AS3MT: variants seen among roughly 807,000 people sequenced by gnomAD.
AS3MT encodes S-adenosyl-L-methionine:arsenic(III) methyltransferase.
Under a neutral mutation model 45.3 loss-of-function variants are expected in AS3MT, and 47 were observed. That is an observed-to-expected ratio of 1.04 (90% CI 0.82 to 1.32). The LOEUF (loss-of-function observed/expected upper bound fraction) is 1.32. AS3MT is among the 40% of genes most tolerant of loss of function. The pLI, the probability that AS3MT is intolerant of heterozygous loss-of-function variation, is 0.00. For missense variants in AS3MT, 396 were observed against 451.1 expected (o/e 0.88, Z 1.11); for synonymous variants, 141 against 152.8 (o/e 0.92, Z 0.57).
At chr10:102,888,881 A>ATATATTTTTTTT (rs1491503446) in intron 9 of AS3MT, among the ~76,000 whole-genome samples, 2 of 52,520 alleles carry the variant, frequency 3.8e-5, no homozygotes, top group Admixed American at 2.9e-4. Flanking sequence ...ATATATATAT[A>ATATATTTTTTTT]TTTTTTTTTT....
At chr10:102,874,409 T>G (rs1394678373) in intron 5 of AS3MT, among the ~76,000 whole-genome samples, 183 bp from the exon 6 acceptor site, 3 of 152,240 alleles carry the variant, frequency 2.0e-5, no homozygotes, top group Non-Finnish European at 4.4e-5. Flanking sequence ...TATTGAGATT[T>G]TAAGCACTCT....
chr10:102,874,719 G>A, intron 6 of AS3MT, 58 bp downstream of exon 6: 1 of 1,249,312 alleles, frequency 8.0e-7, no homozygotes, highest in Non-Finnish European at 1.2e-6. Context: ...GATGGGTTAA[G>A]TCTTGTTTGT....
chr10:102,900,033 G>A (rs2134136800), intron 10 of AS3MT, among the ~76,000 whole-genome samples: 1 of 152,182 alleles, frequency 6.6e-6, no homozygotes, highest in East Asian at 1.9e-4. Context: ...TATTGTTAGA[G>A]GTATCTCATT....
intron 5 of AS3MT, among the ~76,000 whole-genome samples, chr10:102,873,633 T>C (rs189671415): frequency 6.3e-4 from 96 of 152,226 alleles, no homozygotes; most frequent in African/African-American, 2.2e-3. Flanking sequence ...GTTTGCTGAA[T>C]TGACTCTCAT....
rs1393798573 is a variant in AS3MT at position 102,881,293 on chromosome 10, G to A, written c.885+2302G>A. Among the ~76,000 whole-genome samples the A allele has an allele frequency of 6.6e-6, 1 of 152,204 alleles. No homozygotes were observed. The highest frequency in any genetic ancestry group is 1.5e-5 in the Non-Finnish European group (1 of 68,034). Reference sequence around the variant, plus strand: ...ATAGAACACTACTTAATGGAAACTAGTGGAAATGGCTGCTAAAGGAAAAGT... The same window carrying A: ...ATAGAACACTACTTAATGGAAACTAATGGAAATGGCTGCTAAAGGAAAAGT... On this transcript the variant is annotated intron_variant, in intron 9 of 10. Transcript: ENST00000369880. This position sits in a 1 kb window ranked among gnomAD's most constrained non-coding sequence, Gnocchi z 4.2.
rs1445349085 is a variant in AS3MT at position 102,881,117 on chromosome 10, G to A, written c.885+2126G>A. Among the ~76,000 whole-genome samples, 2 of 152,098 alleles carry A rather than the reference G, an allele frequency of 1.3e-5. No individual in the cohort carries two copies. Among genetic ancestry groups the A allele is most frequent in the South Asian group, 2.1e-4 (1 of 4,818 alleles). ...TAATCTGGACAAATTCTCATTCTGG[G>A]CAGTCATTCGTTTCATCCTATGAAT... On this transcript the variant is annotated intron_variant, in intron 9 of 10. Transcript: ENST00000369880. The surrounding 1 kb of genome is among the most constrained non-coding windows in gnomAD (Gnocchi z 4.2).
chr10:102,900,699 A>T lies in AS3MT; in HGVS notation c.1127A>T (p.Ter376LeuextTer14). ...GGCCGTKKSC[*>L] Reference sequence around the variant, plus strand: ...TGCTGTGGCACAAAGAAAAGCTGCTAAATCTATAGCCAACCAGGGGACCAC... The same window carrying T: ...TGCTGTGGCACAAAGAAAAGCTGCTTAATCTATAGCCAACCAGGGGACCAC... Residue 376 changes from the stop codon to leucine, a stop_lost, in exon 11 of 11, where the codon TAA becomes TTA. Transcript: ENST00000369880. 5 of 1,613,048 alleles carry T rather than the reference A, an allele frequency of 3.1e-6. No homozygotes were observed. Among genetic ancestry groups the T allele is most frequent in the Non-Finnish European group, 4.2e-6 (5 of 1,178,982 alleles).
intron 10 of AS3MT, among the ~76,000 whole-genome samples, chr10:102,892,334 G>A (rs529916263): frequency 6.6e-6 from 1 of 152,134 alleles, no homozygotes; most frequent in East Asian, 1.9e-4. Context: ...TGCAAATTCC[G>A]TGCTGCTAAA....
At chr10:102,877,230 T>A (rs939827180) in intron 7 of AS3MT, among the ~76,000 whole-genome samples, 195 bp downstream of exon 7, 1 of 152,244 alleles carries the variant, frequency 6.6e-6, no homozygotes, top group African/African-American at 2.4e-5. Flanking sequence ...GTTATCGTTT[T>A]CCAAATTGTA....
chr10:102,888,194 C>G (rs936536096), intron 9 of AS3MT: 4 of 152,434 alleles, frequency 2.6e-5, no homozygotes, highest in Admixed American at 2.6e-4. Flanking sequence ...TTTTGCCTCT[C>G]TTTGCCACAA....
At chr10:102,890,837 G>A in intron 10 of AS3MT, 159 bp downstream of exon 10, 7 of 567,954 alleles carry the variant, frequency 1.2e-5, no homozygotes, top group East Asian at 3.8e-5. Context: ...TCAGCCTCCC[G>A]ATTAGCTAAG....
chr10:102,873,973 G>A (rs184133876), intron 5 of AS3MT, among the ~76,000 whole-genome samples: 37 of 152,274 alleles, frequency 2.4e-4, no homozygotes, highest in African/African-American at 7.2e-4. Context: ...GCCTTGTGCC[G>A]GCCAGGTGCG....
chr10:102,872,007 C>T (rs1844698324), intron 3 of AS3MT, among the ~76,000 whole-genome samples: 1 of 151,936 alleles, frequency 6.6e-6, no homozygotes, highest in Non-Finnish European at 1.5e-5. Flanking sequence ...CTCAGCCTCC[C>T]GAGGAGCTGG....
chr10:102,882,692 C>G (rs1844883625), intron 9 of AS3MT, among the ~76,000 whole-genome samples: 2 of 151,714 alleles, frequency 1.3e-5, no homozygotes, highest in Non-Finnish European at 2.9e-5. Flanking sequence ...TGGGTTCAAG[C>G]CGATTCTCCT....
At chr10:102,885,174 A>G (rs1306053788) in intron 9 of AS3MT, among the ~76,000 whole-genome samples, 1 of 151,724 alleles carries the variant, frequency 6.6e-6, no homozygotes, top group Non-Finnish European at 1.5e-5. Context: ...CCACCAATCT[A>G]CTCTCTATTA....
At position 102,878,361 on chromosome 10, in the gene AS3MT, T is replaced by C. The variant is rs1413177126; in HGVS notation, c.611-18T>C. On this transcript the variant is annotated intron_variant, in intron 7 of 10. Coordinates refer to ENST00000369880, the MANE Select transcript of AS3MT (RefSeq NM_020682.4). Reference sequence around the variant, plus strand: ...GTGTTGGCTGGTCTGTGGTTTTTTGTTGTTGTTTGTTTTTTAGGTGAGTGT... The same window carrying C: ...GTGTTGGCTGGTCTGTGGTTTTTTGCTGTTGTTTGTTTTTTAGGTGAGTGT... 8.7e-6 allele frequency: 14 copies of C among 1,610,592 alleles called. No homozygotes were observed. The highest frequency in any genetic ancestry group is 2.2e-5 in the South Asian group (2 of 90,940).
At chr10:102,880,922 A>G (rs1345271181) in intron 9 of AS3MT, among the ~76,000 whole-genome samples, 1 of 152,246 alleles carries the variant, frequency 6.6e-6, no homozygotes, top group Non-Finnish European at 1.5e-5. Flanking sequence ...AATTTAGTCA[A>G]CTTTGCTGCT....
rs1844635435 is a variant in AS3MT at position 102,869,499 on chromosome 10, C to T, written c.-94C>T. On this transcript the variant is annotated 5_prime_UTR_variant, in exon 1 of 11. Transcript: ENST00000369880. ...GAGCTGGCTGCGGGAGCCCGCCGTC[C>T]TGAGTCGCAGGCCGAGGAGACAGTG... 2 of 1,393,462 alleles carry T rather than the reference C, an allele frequency of 1.4e-6. No homozygotes were observed. The highest frequency in any genetic ancestry group is 1.9e-6 in the Non-Finnish European group (2 of 1,072,628). 86.3% of individuals were successfully genotyped at this position (1,393,462 alleles called of 1,614,324 possible). A position where few individuals can be genotyped will look rare whatever the true frequency, so the allele number is the denominator to read the frequency against.
At chr10:102,891,489 G>T in intron 10 of AS3MT, among the ~76,000 whole-genome samples, 1 of 152,204 alleles carries the variant, frequency 6.6e-6, no homozygotes, top group Non-Finnish European at 1.5e-5. Context: ...TTTTACCAAA[G>T]CTTTGACTGG....
Sources: allele counts gnomAD v4.1 joint callset (sites outside exome capture counted in the v4.1 genomes callset), GRCh38; gene constraint gnomAD v4.1.1; non-coding constraint Gnocchi (gnomAD v3.1); transcripts MANE v1.5; gene names NCBI Gene and HGNC (gene_info 2026-07-23, HGNC 2026-07-21).